EYS: variants seen among roughly 807,000 people sequenced by gnomAD.
EYS encodes the protein protein eyes shut homolog.
In EYS, 250 loss-of-function variants were observed where a neutral mutation model predicts 282.1. That is an observed-to-expected ratio of 0.89 (90% CI 0.80 to 0.98). EYS has a LOEUF of 0.98. Among genes scored for constraint, EYS ranks in the 50% least tolerant of loss-of-function variants. EYS has a pLI of 0.00. For missense variants in EYS, 4,016 were observed against 3,709.0 expected, an observed-to-expected ratio of 1.08 and a Z score of -2.15; for synonymous variants, 1,355 against 1,282.9, an observed-to-expected ratio of 1.06 and a Z score of -1.20.
intron 7 of EYS, among the ~76,000 whole-genome samples, chr6:65,392,764 C>T (rs201342240): frequency 0.077 from 11,618 of 151,038 alleles, 565 homozygotes; most frequent in East Asian, 0.19. Flanking sequence ...GTCAGTGTGG[C>T]GATTCCTCAG....
intron 2 of EYS, among the ~76,000 whole-genome samples, chr6:65,557,352 C>T (rs1226857330): frequency 6.6e-6 from 1 of 152,198 alleles, no homozygotes; most frequent in African/African-American, 2.4e-5. Flanking sequence ...TACAGGCAGG[C>T]ATGCCAGCTA....
chr6:64,963,086 C>A (rs1769978882), intron 14 of EYS, among the ~76,000 whole-genome samples: 1 of 152,118 alleles, frequency 6.6e-6, no homozygotes, highest in South Asian at 2.1e-4. Context: ...TGTCACTCTA[C>A]AGACAATGGT....
chr6:65,430,794 G>C (rs1036969580), intron 5 of EYS, among the ~76,000 whole-genome samples: 1 of 152,162 alleles, frequency 6.6e-6, no homozygotes, highest in African/African-American at 2.4e-5. Context: ...AAAGGAACCT[G>C]CTGACTTGCA....
intron 11 of EYS, among the ~76,000 whole-genome samples, chr6:65,319,204 C>CAAAAAAAAAAAAAA (rs55687610): frequency 8.3e-4 from 37 of 44,330 alleles, no homozygotes; most frequent in South Asian, 1.3e-3. Context: ...ACTAAAAATG[C>CAAAAAAAAAAAAAA]AAAAAAAAAA....
At chr6:64,487,607 T>C (rs1776615104) in intron 26 of EYS, among the ~76,000 whole-genome samples, 1 of 150,970 alleles carries the variant, frequency 6.6e-6, no homozygotes, top group Non-Finnish European at 1.5e-5. Flanking sequence ...ATCCTTATCT[T>C]TTTTCATTTA....
At chr6:64,875,285 G>A (rs1251844314) in intron 19 of EYS, among the ~76,000 whole-genome samples, 1 of 152,038 alleles carries the variant, frequency 6.6e-6, no homozygotes, top group Non-Finnish European at 1.5e-5. Context: ...TTGGGACATA[G>A]GTATTAGGTG....
intron 22 of EYS, among the ~76,000 whole-genome samples, chr6:64,795,746 AT>A (rs1221476301): frequency 1.6e-4 from 25 of 152,312 alleles, no homozygotes; most frequent in African/African-American, 4.8e-5. Flanking sequence ...CAATGGCTGG[AT>A]TTTAGTATCC....
intron 5 of EYS, among the ~76,000 whole-genome samples, chr6:65,431,226 ATTTAAAG>A (rs1478802145): frequency 1.3e-5 from 2 of 152,198 alleles, no homozygotes; most frequent in African/African-American, 4.8e-5. Context: ...GCAAAGCAGC[ATTTAAAG>A]TGTGGGTCAT....
At position 64,455,835 on chromosome 6, in the gene EYS, C is replaced by T. The variant is rs559567049; in HGVS notation, c.5645-16483G>A. On this transcript the variant is annotated intron_variant, in intron 26 of 42. Transcript: ENST00000503581. Reference sequence around the variant, plus strand: ...TTTAACTCATTAAAAAACTTTCCTTCTATTCTTAGTTTGCTAGAAATTTTG... The same window carrying T: ...TTTAACTCATTAAAAAACTTTCCTTTTATTCTTAGTTTGCTAGAAATTTTG... Among the ~76,000 whole-genome samples, 133 of 152,010 alleles carry T rather than the reference C, an allele frequency of 8.7e-4. 1 individual carries two copies. Among genetic ancestry groups the T allele is most frequent in the Non-Finnish European group, 9.4e-4 (64 of 67,978 alleles).
chr6:64,238,784 G>A (rs184529366), intron 30 of EYS, among the ~76,000 whole-genome samples: 1 of 152,184 alleles, frequency 6.6e-6, no homozygotes, highest in East Asian at 1.9e-4. Flanking sequence ...TCAAGTTCTA[G>A]GGTATATGTG....
intron 26 of EYS, among the ~76,000 whole-genome samples, chr6:64,546,200 C>T (rs527976174): frequency 6.6e-6 from 1 of 152,026 alleles, no homozygotes; most frequent in South Asian, 2.1e-4. Flanking sequence ...CAGAACAGAG[C>T]CCTCAGAAAT....
chr6:63,937,542 G>C (rs573504578), intron 35 of EYS, among the ~76,000 whole-genome samples: 1 of 150,412 alleles, frequency 6.6e-6, no homozygotes, highest in Non-Finnish European at 1.5e-5. Context: ...CACCACGACC[G>C]GTTAATTTTT....
At chr6:64,063,005 T>C (rs1562180803) in intron 33 of EYS, among the ~76,000 whole-genome samples, 1 of 152,218 alleles carries the variant, frequency 6.6e-6, no homozygotes, top group Non-Finnish European at 1.5e-5. Context: ...TTCGATAAAC[T>C]TTGCCATTGC....
intron 41 of EYS, among the ~76,000 whole-genome samples, chr6:63,727,751 T>A (rs1212500775): frequency 1.0e-5 from 1 of 100,356 alleles, no homozygotes; most frequent in East Asian, 2.6e-4. Flanking sequence ...TATATATATA[T>A]GTTAGCTGGG....
intron 9 of EYS, among the ~76,000 whole-genome samples, chr6:65,349,905 G>A (rs1770536142): frequency 6.6e-6 from 1 of 151,446 alleles, no homozygotes; most frequent in South Asian, 2.1e-4. Context: ...CCATGTAGAA[G>A]TTGCATGTTT....
At chr6:63,853,882 G>A (rs1772323967) in intron 36 of EYS, among the ~76,000 whole-genome samples, 1 of 152,198 alleles carries the variant, frequency 6.6e-6, no homozygotes, top group Non-Finnish European at 1.5e-5. Flanking sequence ...AAGCAATGGG[G>A]AAAGGATTCC....
At chr6:64,729,793 T>C (rs994753599) in intron 22 of EYS, among the ~76,000 whole-genome samples, 1 of 152,286 alleles carries the variant, frequency 6.6e-6, no homozygotes. Flanking sequence ...AAACGACTGA[T>C]ACACCAAGGA....
intron 28 of EYS, among the ~76,000 whole-genome samples, chr6:64,430,963 A>G (rs1774558301): frequency 6.6e-6 from 1 of 152,194 alleles, no homozygotes; most frequent in Non-Finnish European, 1.5e-5. Flanking sequence ...GCCACAAAGG[A>G]TTGTACAGAA....
chr6:65,164,526 T>C (rs1440583698), intron 12 of EYS, among the ~76,000 whole-genome samples: 1 of 151,448 alleles, frequency 6.6e-6, no homozygotes, highest in Non-Finnish European at 1.5e-5. Flanking sequence ...ATTTATGAAA[T>C]ATTGTTTTAT....
Sources: gnomAD v4.1 joint callset for allele counts (sites outside exome capture counted in the v4.1 genomes callset) on GRCh38, gnomAD v4.1.1 for gene constraint, MANE v1.5 for transcripts, NCBI Gene and HGNC (gene_info 2026-07-23, HGNC 2026-07-21) for gene names.